The following OGN variants were observed in gnomAD, a reference collection of about 807,000 sequenced individuals.
OGN encodes osteoglycin, also known as mimecan.
Under a neutral mutation model 30.8 loss-of-function variants are expected in OGN, and 19 were observed. The ratio of observed to expected loss-of-function variants is 0.62; its 90% CI spans 0.43 to 0.90. The LOEUF is 0.90. OGN is among the 40% of genes least tolerant of loss of function. The pLI, the probability that OGN is intolerant of heterozygous loss-of-function variation, is 0.00. For missense variants in OGN, 283 were observed against 349.7 expected, an observed-to-expected ratio of 0.81 and a Z score of 1.52; for synonymous variants, 126 against 128.3, an observed-to-expected ratio of 0.98 and a Z score of 0.12.
At chr9:92,386,717 C>G (rs902177939) in intron 5 of OGN, among the ~76,000 whole-genome samples, 40 of 152,106 alleles carry the variant, frequency 2.6e-4, no homozygotes, top group Admixed American at 1.2e-3. Flanking sequence ...CCACCAATTT[C>G]TAGCTAAGTG....
chr9:92,385,944 T>G (rs1202665661), intron 6 of OGN, among the ~76,000 whole-genome samples, 154 bp from the exon 7 acceptor site: 1 of 152,220 alleles, frequency 6.6e-6, no homozygotes, highest in East Asian at 1.9e-4. Context: ...AATGTACACC[T>G]GGAGACAAAT....
intron 3 of OGN, among the ~76,000 whole-genome samples, chr9:92,400,037 T>A (rs1843044893): frequency 6.6e-6 from 1 of 152,242 alleles, no homozygotes; most frequent in Admixed American, 6.5e-5. Context: ...TATAAAAAAA[T>A]TTATTGGTAA....
upstream of OGN, chr9:92,404,652 T>C (rs554929551): frequency 7.9e-7 from 1 of 1,266,856 alleles, no homozygotes; most frequent in South Asian, 1.4e-5. Context: ...ACAGTTTCCA[T>C]GTGGTAGAGA....
intron 5 of OGN, 51 bp downstream of exon 5, chr9:92,389,803 T>A (rs1049311902): frequency 8.2e-7 from 1 of 1,216,316 alleles, no homozygotes; most frequent in Non-Finnish European, 1.2e-6. Context: ...TTCTCTTTTA[T>A]CTATCATATC....
rs897224047 is a variant in OGN, at chr9:92,383,302, G to A, written c.*2318C>T. On this transcript the variant is annotated 3_prime_UTR_variant, in exon 7 of 7. Coordinates refer to ENST00000375561, the MANE Select transcript of OGN (RefSeq NM_014057.5). ...TCAAGATTCTTCTCTTTATTTGGGG[G>A]TCTCTTGAAGTTCCATTTTATTTGT... is the stretch of plus-strand genomic sequence containing the variant. Among the ~76,000 whole-genome samples, 1 of 152,050 alleles carries A rather than the reference G, an allele frequency of 6.6e-6. No individual in the cohort carries two copies. Among genetic ancestry groups the A allele is most frequent in the Admixed American group, 6.5e-5 (1 of 15,276 alleles).
intron 4 of OGN, among the ~76,000 whole-genome samples, chr9:92,390,927 G>A (rs541802691): frequency 7.1e-4 from 108 of 152,194 alleles, no homozygotes; most frequent in Non-Finnish European, 9.8e-4. Context: ...TTGTGCTTGG[G>A]GATGTTAGAC....
chr9:92,404,407 G>C, intron 1 of OGN, 89 bp downstream of exon 1: 1 of 804,934 alleles, frequency 1.2e-6, no homozygotes, highest in Middle Eastern at 4.8e-4. Context: ...TTAAACCAGA[G>C]ATGGCCTTTA....
At chr9:92,387,110 C>G (rs1436246896) in intron 5 of OGN, among the ~76,000 whole-genome samples, 1 of 148,670 alleles carries the variant, frequency 6.7e-6, no homozygotes, top group Non-Finnish European at 1.5e-5. Context: ...TGGTGGCTCA[C>G]GCCTGTAATC....
Position 92,403,500 on chromosome 9 carries a change from G to A in OGN, c.-75-18C>T. On this transcript the variant is annotated intron_variant, in intron 1 of 6. Transcript: ENST00000375561. ...CTTTTTCCCTGGAAATAAAAATTCAGACCATCGAAGCAATATTTAAAAGCT... is the reference window on the plus strand; with the variant it reads ...CTTTTTCCCTGGAAATAAAAATTCAAACCATCGAAGCAATATTTAAAAGCT... 6.7e-7 allele frequency: 1 copy of A among 1,483,224 alleles called. No individual in the cohort carries two copies. The highest frequency in any genetic ancestry group is 8.9e-7 in the Non-Finnish European group (1 of 1,119,570). 91.9% of individuals were successfully genotyped at this position (1,483,224 alleles called of 1,614,324 possible). A position where few individuals can be genotyped will look rare whatever the true frequency, so the allele number is the denominator to read the frequency against.
intron 3 of OGN, among the ~76,000 whole-genome samples, chr9:92,395,153 A>G (rs980248755): frequency 6.6e-6 from 1 of 152,078 alleles, no homozygotes; most frequent in Non-Finnish European, 1.5e-5. Context: ...TAATTAACAT[A>G]CCTGTCACTC....
In OGN at chr9:92,389,742, TAAATC is replaced by T. The variant is rs1411851761; in HGVS notation, c.630+107_630+111del. On this transcript the variant is annotated intron_variant, in intron 5 of 6. Transcript: ENST00000375561. ...TTATGTAAATAATGTCTTCATTTATTAAATCAAAATAGTTTTTAAGTGTAATCAAA... is the reference window on the plus strand; with the variant it reads ...TTATGTAAATAATGTCTTCATTTATTAAAATAGTTTTTAAGTGTAATCAAA... 6.9e-5 allele frequency: 47 copies of T among 681,514 alleles called. No individual in the cohort carries two copies. In the East Asian group the frequency reaches 1.2e-3, roughly 18 times the overall value. 42.2% of individuals were successfully genotyped at this position (681,514 alleles called of 1,614,324 possible). A position where few individuals can be genotyped will look rare whatever the true frequency, so the allele number is the denominator to read the frequency against.
rs1248534686 is a variant in OGN at position 92,404,485 on chromosome 9, A to G, written c.-76+11T>C. 2 of 1,272,242 alleles carry G rather than the reference A, an allele frequency of 1.6e-6. No homozygotes were observed. Among genetic ancestry groups the G allele is most frequent in the African/African-American group, 1.6e-5 (1 of 63,676 alleles). 78.8% of individuals were successfully genotyped at this position (1,272,242 alleles called of 1,614,324 possible). A position where few individuals can be genotyped will look rare whatever the true frequency, so the allele number is the denominator to read the frequency against. ...ACAATATTTAAAATAATATATGAAA[A>G]GTAAGCCTACCGTTGTAGCTGTTTT... is the stretch of plus-strand genomic sequence containing the variant. On this transcript the variant is annotated intron_variant, in intron 1 of 6. Coordinates refer to ENST00000375561, the MANE Select transcript of OGN (RefSeq NM_014057.5).
chr9:92,392,022 T>G (rs1413806991), intron 4 of OGN, among the ~76,000 whole-genome samples: 1 of 151,928 alleles, frequency 6.6e-6, no homozygotes, highest in Non-Finnish European at 1.5e-5. Flanking sequence ...TCGGTGTGAT[T>G]TTTTTCAGAA....
intron 3 of OGN, 94 bp from the exon 4 acceptor site, chr9:92,393,338 T>C: frequency 1.1e-6 from 1 of 930,932 alleles, no homozygotes; most frequent in Non-Finnish European, 1.6e-6. Flanking sequence ...ATGCTATTAC[T>C]AATTTGAAGA....
intron 1 of OGN, 24 bp from the exon 2 acceptor site, chr9:92,403,506 C>G: frequency 6.8e-7 from 1 of 1,470,186 alleles, no homozygotes; most frequent in Non-Finnish European, 9.0e-7. Context: ...TTCAGACCAT[C>G]GAAGCAATAT....
Position 92,389,884 on chromosome 9 carries a change from C to T in OGN, c.600G>A (p.Lys200=), listed in dbSNP as rs756223711. Residue 200 remains lysine (K), a synonymous_variant, in exon 5 of 7, where the codon AAG becomes AAA. Transcript: ENST00000375561. Reference sequence around the variant, plus strand: ...ATGCATTTGCTTTGATTCCCCTACTCTTGATTTTGTTGTATTTTGCATTAA... The same window carrying T: ...ATGCATTTGCTTTGATTCCCCTACTTTTGATTTTGTTGTATTTTGCATTAA... The part of the protein sequence containing the change: ...TLFNAKYNKI[K]SRGIKANAFK... 1 of 1,612,522 alleles carries T rather than the reference C, an allele frequency of 6.2e-7. No homozygotes were observed. Among genetic ancestry groups the T allele is most frequent in the East Asian group, 2.2e-5 (1 of 44,760 alleles).
At chr9:92,396,978 C>A (rs545201068) in intron 3 of OGN, among the ~76,000 whole-genome samples, 3 of 151,802 alleles carry the variant, frequency 2.0e-5, no homozygotes, top group Admixed American at 2.0e-4. Flanking sequence ...GAGTTTGAGA[C>A]CAACCTGGGC....
rs931323508 is a variant in OGN, at chr9:92,383,297, T to TG, written c.*2322dup. Among the ~76,000 whole-genome samples, 2 of 152,184 alleles carry TG rather than the reference T, an allele frequency of 1.3e-5. No individual in the cohort carries two copies. The highest frequency in any genetic ancestry group is 4.8e-5 in the African/African-American group (2 of 41,444). On this transcript the variant is annotated 3_prime_UTR_variant, in exon 7 of 7. Transcript: ENST00000375561. ...TATTTTCAAGATTCTTCTCTTTATTTGGGGGTCTCTTGAAGTTCCATTTTA... is the reference window on the plus strand; with the variant it reads ...TATTTTCAAGATTCTTCTCTTTATTTGGGGGGTCTCTTGAAGTTCCATTTTA...
At chr9:92,399,578 A>G (rs1843026012) in intron 3 of OGN, among the ~76,000 whole-genome samples, 1 of 151,826 alleles carries the variant, frequency 6.6e-6, no homozygotes, top group Admixed American at 6.6e-5. Flanking sequence ...GTTCTGTTCT[A>G]TTGTTGTCTC....
Sources: gnomAD v4.1 joint callset for allele counts (sites outside exome capture counted in the v4.1 genomes callset) on GRCh38, gnomAD v4.1.1 for gene constraint, MANE v1.5 for transcripts, NCBI Gene and HGNC (gene_info 2026-07-23, HGNC 2026-07-21) for gene names.